The following MAST4 variants were observed in gnomAD, a reference collection of about 807,000 sequenced individuals.
MAST4 encodes the protein microtubule-associated serine/threonine-protein kinase 4.
Under a neutral mutation model 162.7 loss-of-function variants are expected in MAST4, and 89 were observed. The observed-to-expected ratio is 0.55, with a 90% confidence interval of 0.46 to 0.65. The LOEUF (loss-of-function observed/expected upper bound fraction) is 0.65. MAST4 is among the 30% of genes least tolerant of loss of function. The pLI, the probability that MAST4 is intolerant of heterozygous loss-of-function variation, is 0.00. For synonymous variants in MAST4, 1,479 were observed against 1,361.1 expected, an observed-to-expected ratio of 1.09 and a Z score of -1.91; for missense variants, 3,153 against 3,374.0, an observed-to-expected ratio of 0.93 and a Z score of 1.62.
At chr5:67,122,092 G>T (rs1767661532) in intron 14 of MAST4, among the ~76,000 whole-genome samples, 1 of 152,098 alleles carries the variant, frequency 6.6e-6, no homozygotes, top group South Asian at 2.1e-4. Flanking sequence ...ATTCTTCTGA[G>T]TTACTAATAG....
At chr5:66,784,812 T>C (rs1257578293) in intron 2 of MAST4, among the ~76,000 whole-genome samples, 1 of 152,200 alleles carries the variant, frequency 6.6e-6, no homozygotes, top group Non-Finnish European at 1.5e-5. Flanking sequence ...AAGTGTATTA[T>C]CTCCTTTCAT....
chr5:66,895,059 G>T (rs971275585), intron 3 of MAST4, among the ~76,000 whole-genome samples: 2 of 152,086 alleles, frequency 1.3e-5, no homozygotes, highest in Non-Finnish European at 2.9e-5. Context: ...TGTTCCCTGG[G>T]TGTGGTCATA....
intron 1 of MAST4, among the ~76,000 whole-genome samples, chr5:66,627,624 A>T (rs1020714290): frequency 6.6e-6 from 1 of 152,168 alleles, no homozygotes; most frequent in East Asian, 1.9e-4. Flanking sequence ...TGTGACCTGC[A>T]TTAATGACTG....
intron 1 of MAST4, among the ~76,000 whole-genome samples, chr5:66,672,105 C>T (rs1028901310): frequency 2.6e-5 from 4 of 152,190 alleles, no homozygotes; most frequent in Admixed American, 2.6e-4. Flanking sequence ...TCTGCTGCTG[C>T]TGTGAATCCA....
At chr5:66,883,058 T>C (rs1000303991) in intron 3 of MAST4, among the ~76,000 whole-genome samples, 3 of 152,108 alleles carry the variant, frequency 2.0e-5, no homozygotes, top group African/African-American at 7.2e-5. Context: ...AATCATAAAA[T>C]ATGCTAAGGA....
chr5:66,676,341 T>C (rs1019791919), intron 1 of MAST4, among the ~76,000 whole-genome samples: 3 of 152,180 alleles, frequency 2.0e-5, no homozygotes, highest in African/African-American at 7.2e-5. Flanking sequence ...TGCACATCAC[T>C]TGTGACCACT....
At chr5:67,125,769 G>C (rs909320169) in intron 14 of MAST4, among the ~76,000 whole-genome samples, 3 of 152,168 alleles carry the variant, frequency 2.0e-5, no homozygotes, top group African/African-American at 7.2e-5. Context: ...TATATACCCA[G>C]TAAGGGGATT....
intron 11 of MAST4, among the ~76,000 whole-genome samples, chr5:67,111,363 T>G (rs571659003): frequency 4.6e-5 from 7 of 152,220 alleles, no homozygotes; most frequent in Non-Finnish European, 1.0e-4. Context: ...TAGTGAAATA[T>G]TCGCAGCACC....
chr5:66,854,755 A>T (rs1422217626), intron 3 of MAST4, among the ~76,000 whole-genome samples: 2 of 152,022 alleles, frequency 1.3e-5, no homozygotes, highest in East Asian at 1.9e-4. Flanking sequence ...AGGACAGACT[A>T]AAAAAAGGTA....
intron 2 of MAST4, among the ~76,000 whole-genome samples, chr5:66,771,695 A>G (rs1336024097): frequency 6.6e-6 from 1 of 151,732 alleles, no homozygotes; most frequent in African/African-American, 2.4e-5. Context: ...GAATCCATAT[A>G]TTAAAAATCT....
In MAST4 at chr5:67,165,784, C is replaced by T. The variant is rs771532082; in HGVS notation, c.6605C>T (p.Pro2202Leu). Reference sequence around the variant, plus strand: ...CCCCGGCCTGGCCCTGACCCGGGCCCTCCAAAGACTAAGCACCCCGACCGG... The same window carrying T: ...CCCCGGCCTGGCCCTGACCCGGGCCTTCCAAAGACTAAGCACCCCGACCGG... ...HKPRPGPDPG[P>L]PKTKHPDRSL... The change falls in exon 29 of 29, where the codon CCT becomes CTT. Residue 2202 changes from proline to leucine, a missense_variant. Coordinates refer to ENST00000403625, the MANE Select transcript of MAST4 (RefSeq NM_001164664.2). The T allele has an allele frequency of 1.2e-6, 2 of 1,607,150 alleles. No homozygotes were observed. The highest frequency in any genetic ancestry group is 2.2e-5 in the South Asian group (2 of 90,256).
intron 3 of MAST4, among the ~76,000 whole-genome samples, chr5:66,831,064 G>C (rs1174782496): frequency 6.6e-6 from 1 of 152,166 alleles, no homozygotes; most frequent in Non-Finnish European, 1.5e-5. Flanking sequence ...TAGATGGGTA[G>C]AGTTGAGTTC....
At chr5:67,045,231 A>G (rs977433223) in intron 4 of MAST4, among the ~76,000 whole-genome samples, 6 of 152,200 alleles carry the variant, frequency 3.9e-5, no homozygotes, top group African/African-American at 1.4e-4. Context: ...AATCCTTGTT[A>G]TCAAAAAATT....
At chr5:67,037,946 CA>C (rs1282207655) in intron 4 of MAST4, among the ~76,000 whole-genome samples, 1 of 149,516 alleles carries the variant, frequency 6.7e-6, no homozygotes, top group African/African-American at 2.5e-5. Flanking sequence ...TACAATAATC[CA>C]AAAAAAAATT....
chr5:66,642,863 T>G (rs1745578058), intron 1 of MAST4, among the ~76,000 whole-genome samples: 1 of 152,164 alleles, frequency 6.6e-6, no homozygotes, highest in Admixed American at 6.5e-5. Flanking sequence ...AGGATGGGCG[T>G]GATGTTAATA....
intron 3 of MAST4, among the ~76,000 whole-genome samples, chr5:66,853,568 C>T (rs1371999098): frequency 6.6e-6 from 1 of 152,116 alleles, no homozygotes; most frequent in Admixed American, 6.5e-5. Flanking sequence ...TTCAGTAATG[C>T]TTACATGTTT....
At chr5:66,915,064 G>A (rs1481569123) in intron 4 of MAST4, among the ~76,000 whole-genome samples, 1 of 152,052 alleles carries the variant, frequency 6.6e-6, no homozygotes, top group Non-Finnish European at 1.5e-5. Flanking sequence ...AGGAGTTGGA[G>A]ACCAGCCTGG....
intron 1 of MAST4, among the ~76,000 whole-genome samples, chr5:66,732,354 C>T (rs1751906459): frequency 6.6e-6 from 1 of 152,094 alleles, no homozygotes; most frequent in African/African-American, 2.4e-5. Context: ...CTACATACCA[C>T]CCACTTTTCA....
At chr5:66,630,639 G>GGC (rs1016434207) in intron 1 of MAST4, among the ~76,000 whole-genome samples, 1 of 152,090 alleles carries the variant, frequency 6.6e-6, no homozygotes, top group Admixed American at 6.6e-5. Flanking sequence ...GATTCCACCT[G>GGC]GCAAATCTCA....
Sources: allele counts gnomAD v4.1 joint callset (sites outside exome capture counted in the v4.1 genomes callset), GRCh38; gene constraint gnomAD v4.1.1; transcripts MANE v1.5; gene names NCBI Gene and HGNC (gene_info 2026-07-23, HGNC 2026-07-21).